The following SFI1 variants were observed in gnomAD, a reference collection of about 807,000 sequenced individuals.
SFI1 encodes protein SFI1 homolog.
Under a neutral mutation model 207.5 loss-of-function variants are expected in SFI1, and 195 were observed. The observed-to-expected ratio is 0.94, with a 90% confidence interval of 0.84 to 1.06. The LOEUF (loss-of-function observed/expected upper bound fraction) is 1.06, where lower values mean the gene tolerates loss of function less well. Among genes scored for constraint, SFI1 ranks in the 50% least tolerant of loss-of-function variants. The pLI is 0.00. For missense variants in SFI1, 1,634 were observed against 1,588.0 expected, an observed-to-expected ratio of 1.03 and a Z score of -0.49; for synonymous variants, 630 against 598.9, an observed-to-expected ratio of 1.05 and a Z score of -0.76.
At chr22:31,585,531 A>G (rs1490773767) in intron 14 of SFI1, among the ~76,000 whole-genome samples, 1 of 152,200 alleles carries the variant, frequency 6.6e-6, no homozygotes, top group Non-Finnish European at 1.5e-5. Context: ...CCGGGGGTGG[A>G]GGATGTGAGG....
intron 4 of SFI1, among the ~76,000 whole-genome samples, chr22:31,536,019 G>A (rs529498099): frequency 2.1e-4 from 32 of 152,156 alleles, no homozygotes; most frequent in African/African-American, 7.2e-4. Context: ...TTTTAATGGG[G>A]TATCCTGGTT....
At chr22:31,597,521 G>GTCTCTCTGAGCCTCAGTCTC (rs2067332066) in intron 15 of SFI1, among the ~76,000 whole-genome samples, 1 of 152,164 alleles carries the variant, frequency 6.6e-6, no homozygotes, top group South Asian at 2.1e-4. Flanking sequence ...AAGTCAGTCT[G>GTCTCTCTGAGCCTCAGTCTC]TCTCTCTGAG....
rs2054646738 is a variant in SFI1, at chr22:31,506,410, T to C, written c.-30-1845T>C. On this transcript the variant is annotated intron_variant, in intron 1 of 32. Transcript: ENST00000400288. ...TGAAAACTACACACAGTAACACTGA[T>C]AACCATAAAAATTAATCTGAGGAAA... is the stretch of plus-strand genomic sequence containing the variant. 2.0e-5 allele frequency among the ~76,000 whole-genome samples: 3 copies of C among 152,130 alleles called. No individual in the cohort carries two copies. In the South Asian group the frequency reaches 6.2e-4, roughly 31 times the overall value.
At chr22:31,599,482 A>G (rs2067759789) in intron 15 of SFI1, among the ~76,000 whole-genome samples, 1 of 152,082 alleles carries the variant, frequency 6.6e-6, no homozygotes, top group Admixed American at 6.5e-5. Flanking sequence ...ACACGCCACC[A>G]CGCCCAGCTA....
chr22:31,504,445 G>T (rs1842918395), intron 1 of SFI1, among the ~76,000 whole-genome samples: 1 of 152,084 alleles, frequency 6.6e-6, no homozygotes, highest in Admixed American at 6.6e-5. Context: ...TTATAAGGGT[G>T]ACTTCATTCT....
In SFI1 at chr22:31,584,224, C is replaced by A. The variant is rs1183413500; in HGVS notation, c.1346+252C>A. 3.9e-5 allele frequency among the ~76,000 whole-genome samples: 6 copies of A among 152,250 alleles called. 1 individual carries two copies. In the South Asian group the frequency reaches 1.2e-3, roughly 32 times the overall value. ...GAAGTATGTGCCTGGTCGCTCACTG[C>A]CTTGGTCCTACAGGCATCAATATGT... On this transcript the variant is annotated intron_variant, in intron 13 of 32. Coordinates refer to ENST00000400288, the MANE Select transcript of SFI1 (RefSeq NM_001007467.3).
intron 4 of SFI1, among the ~76,000 whole-genome samples, chr22:31,544,067 G>C (rs927029221): frequency 6.6e-6 from 1 of 151,766 alleles, no homozygotes; most frequent in Non-Finnish European, 1.5e-5. Flanking sequence ...CGTGTGCCTG[G>C]AGTCACAGCT....
intron 24 of SFI1, chr22:31,612,398 A>AAAAAT (rs1556369798): frequency 6.5e-4 from 39 of 60,194 alleles, no homozygotes; most frequent in African/African-American, 2.3e-3. Context: ...AAAAAAAAAA[A>AAAAAT]ATATATATAT....
chr22:31,529,577 G>C (rs2058270362), intron 3 of SFI1, among the ~76,000 whole-genome samples: 1 of 152,194 alleles, frequency 6.6e-6, no homozygotes, highest in Non-Finnish European at 1.5e-5. Context: ...TGTTACGCTA[G>C]ATGCTGAGCA....
chr22:31,497,445 G>A (rs556265723), intron 1 of SFI1: 3 of 152,056 alleles, frequency 2.0e-5, no homozygotes, highest in Non-Finnish European at 2.9e-5. Context: ...ATTGTTTTAG[G>A]TGGCCACGAA....
intron 6 of SFI1, among the ~76,000 whole-genome samples, chr22:31,554,671 A>G (rs2060990290): frequency 6.8e-6 from 1 of 147,134 alleles, no homozygotes; most frequent in African/African-American, 2.5e-5. Context: ...GAGTGGCGTG[A>G]TCTCGGCTCA....
At chr22:31,553,499 G>T (rs2060814167) in intron 6 of SFI1, among the ~76,000 whole-genome samples, 1 of 148,814 alleles carries the variant, frequency 6.7e-6, no homozygotes, top group Non-Finnish European at 1.5e-5. Context: ...GGGACTACAT[G>T]GTGCGCTACC....
intron 2 of SFI1, among the ~76,000 whole-genome samples, chr22:31,517,784 G>C (rs1350352232): frequency 1.3e-5 from 2 of 151,982 alleles, no homozygotes; most frequent in East Asian, 3.9e-4. Flanking sequence ...TATGTACCTT[G>C]TTCCTTCGGT....
At chr22:31,523,848 A>C (rs1011765421) in intron 2 of SFI1, among the ~76,000 whole-genome samples, 2 of 151,676 alleles carry the variant, frequency 1.3e-5, no homozygotes, top group African/African-American at 4.8e-5. Context: ...CTACTATTCT[A>C]CTCTTTAATT....
intron 5 of SFI1, among the ~76,000 whole-genome samples, chr22:31,547,511 A>G (rs2147919994): frequency 6.6e-6 from 1 of 151,494 alleles, no homozygotes; most frequent in South Asian, 2.1e-4. Context: ...GGGTTATTTC[A>G]TGTTGGCTGG....
intron 2 of SFI1, among the ~76,000 whole-genome samples, chr22:31,513,849 G>C (rs1464154614): frequency 1.0e-5 from 1 of 100,420 alleles, no homozygotes; most frequent in Non-Finnish European, 2.0e-5. Flanking sequence ...AAAGTGCTGG[G>C]ATTACAGGCA....
At position 31,616,946 on chromosome 22, in the gene SFI1, C is replaced by T. The variant is rs1346226849; in HGVS notation, c.3434-54C>T. Reference sequence around the variant, plus strand: ...TCCCGGACCTGGGACTTGCTATTTACCCTGGTCCCCGAGGGGAAAATAGTC... The same window carrying T: ...TCCCGGACCTGGGACTTGCTATTTATCCTGGTCCCCGAGGGGAAAATAGTC... On this transcript the variant is annotated intron_variant, in intron 30 of 32. Coordinates refer to ENST00000400288, the MANE Select transcript of SFI1 (RefSeq NM_001007467.3). 9.3e-6 allele frequency: 15 copies of T among 1,613,250 alleles called. No individual in the cohort carries two copies. The South Asian group carries it at 1.1e-4, about 12-fold the overall frequency.
At chr22:31,542,552 C>T (rs948782492) in intron 4 of SFI1, among the ~76,000 whole-genome samples, 2 of 151,858 alleles carry the variant, frequency 1.3e-5, no homozygotes, top group Admixed American at 6.6e-5. Flanking sequence ...CGCTTGAACC[C>T]GGGAGGCGGA....
chr22:31,585,086 A>T lies in SFI1; in HGVS notation c.1365A>T (p.Lys455Asn). The T allele has an allele frequency of 6.2e-7, 1 of 1,614,100 alleles. No homozygotes were observed. Among genetic ancestry groups the T allele is most frequent in the Non-Finnish European group, 8.5e-7 (1 of 1,180,006 alleles). Residue 455 changes from lysine to asparagine, a missense_variant, in exon 14 of 33, where the codon AAA becomes AAT. Lys to Asn is a moderately conservative substitution (Grantham distance 94). Transcript: ENST00000400288. Reference sequence around the variant, plus strand: ...GTTTCAGAATAGCACTGCTGTGCAAATGTATCGAATTGTGGCTACAGTATA... The same window carrying T: ...GTTTCAGAATAGCACTGCTGTGCAATTGTATCGAATTGTGGCTACAGTATA... The part of the protein sequence containing the change: ...WDHYRIALLC[K>N]CIELWLQYTQ...
Sources: gnomAD v4.1 joint callset for allele counts (sites outside exome capture counted in the v4.1 genomes callset) on GRCh38, gnomAD v4.1.1 for gene constraint, MANE v1.5 for transcripts, NCBI Gene and HGNC (gene_info 2026-07-23, HGNC 2026-07-21) for gene names.